GPR158: variants seen among roughly 807,000 people sequenced by gnomAD.
GPR158 encodes the protein G protein-coupled receptor 158.
GPR158 carries 30 observed loss-of-function variants against 78.2 expected under a neutral mutation model. The observed-to-expected ratio is 0.38, with a 90% CI of 0.29 to 0.52. The LOEUF is 0.52. GPR158 is among the 20% of genes least tolerant of loss of function. The pLI is 0.83. For missense variants in GPR158, 1,463 were observed against 1,523.5 expected (o/e 0.96, Z 0.66); for synonymous variants, 581 against 591.1 (o/e 0.98, Z 0.25).
intron 2 of GPR158, among the ~76,000 whole-genome samples, chr10:25,273,801 T>G (rs2130745784): frequency 6.6e-6 from 1 of 152,122 alleles, no homozygotes; most frequent in African/African-American, 2.4e-5. Flanking sequence ...CACCTCAGCC[T>G]CCTGAGTAGC....
intron 2 of GPR158, among the ~76,000 whole-genome samples, chr10:25,305,597 T>C (rs1316520610): frequency 6.6e-6 from 1 of 152,030 alleles, no homozygotes; most frequent in African/African-American, 2.4e-5. Flanking sequence ...CTAAGGATGA[T>C]TCGGAGGTAA....
intron 8 of GPR158, among the ~76,000 whole-genome samples, chr10:25,589,564 A>G (rs577767830): frequency 1.3e-5 from 2 of 152,366 alleles, no homozygotes; most frequent in African/African-American, 2.4e-5. Flanking sequence ...ATAGACATAT[A>G]GACAACTTGT....
chr10:25,358,581 C>T (rs1376471309), intron 2 of GPR158, among the ~76,000 whole-genome samples: 1 of 152,052 alleles, frequency 6.6e-6, no homozygotes, highest in East Asian at 1.9e-4. Flanking sequence ...CTGCAGCCAT[C>T]CATGTAAGAT....
intron 5 of GPR158, among the ~76,000 whole-genome samples, chr10:25,485,204 A>G (rs1257868573): frequency 2.0e-5 from 3 of 152,154 alleles, no homozygotes; most frequent in Non-Finnish European, 4.4e-5. Flanking sequence ...TAAAAGGCTT[A>G]AAAGTACACT....
intron 2 of GPR158, among the ~76,000 whole-genome samples, chr10:25,325,234 G>A (rs1305242412): frequency 6.6e-6 from 1 of 152,172 alleles, no homozygotes; most frequent in South Asian, 2.1e-4. Context: ...GAGGATTCGA[G>A]CATAAAAACT....
At chr10:25,181,200 T>G (rs2130628331) in intron 1 of GPR158, among the ~76,000 whole-genome samples, 1 of 152,258 alleles carries the variant, frequency 6.6e-6, no homozygotes, top group Admixed American at 6.5e-5. Flanking sequence ...TTTGCCTGGG[T>G]TACAGATTAA....
At chr10:25,267,907 T>C (rs887238093) in intron 2 of GPR158, among the ~76,000 whole-genome samples, 1 of 152,166 alleles carries the variant, frequency 6.6e-6, no homozygotes, top group Non-Finnish European at 1.5e-5. Flanking sequence ...CCCAAATAGA[T>C]GGATGGATAT....
intron 3 of GPR158, among the ~76,000 whole-genome samples, chr10:25,402,777 A>G (rs778130543): frequency 9.6e-4 from 146 of 151,778 alleles, no homozygotes; most frequent in Non-Finnish European, 1.6e-3. Context: ...TAACTTTCAG[A>G]ATATCTGTTT....
rs534186878 is a variant in GPR158 at position 25,243,288 on chromosome 10, C to T, written c.1008+22131C>T. Among the ~76,000 whole-genome samples, 4 of 152,272 alleles carry T rather than the reference C, an allele frequency of 2.6e-5. No individual in the cohort carries two copies. The South Asian group carries it at 8.3e-4, about 32-fold the overall frequency. ...TTTCAAAGCCCAATTCAAGACCTAA[C>T]ACCTCACTGGTCATCAATAGAAGCA... On this transcript the variant is annotated intron_variant, in intron 2 of 10. Transcript: ENST00000376351.
chr10:25,385,843 G>A (rs917089532), intron 2 of GPR158, among the ~76,000 whole-genome samples: 1 of 152,056 alleles, frequency 6.6e-6, no homozygotes, highest in African/African-American at 2.4e-5. Context: ...TTCTTTATGT[G>A]CTCTGGATAT....
At chr10:25,568,356 G>T (rs533613293) in intron 6 of GPR158, among the ~76,000 whole-genome samples, 1 of 152,296 alleles carries the variant, frequency 6.6e-6, no homozygotes, top group South Asian at 2.1e-4. Context: ...GCCATTCAAG[G>T]GACAGACTGA....
At chr10:25,435,013 G>GCTA (rs1834980532) in intron 4 of GPR158, among the ~76,000 whole-genome samples, 1 of 152,174 alleles carries the variant, frequency 6.6e-6, no homozygotes, top group Admixed American at 6.5e-5. Flanking sequence ...GGAAAACCTG[G>GCTA]CTAAGCATTT....
intron 5 of GPR158, among the ~76,000 whole-genome samples, chr10:25,487,169 CTCA>C (rs1281551413): frequency 6.6e-6 from 1 of 152,038 alleles, no homozygotes; most frequent in African/African-American, 2.4e-5. Context: ...ATTCAACATG[CTCA>C]TCAGGTGATC....
chr10:25,418,724 T>G (rs1834700870), intron 4 of GPR158, among the ~76,000 whole-genome samples: 1 of 149,046 alleles, frequency 6.7e-6, no homozygotes, highest in Admixed American at 6.7e-5. Flanking sequence ...AGAAACAAGG[T>G]ACACTGGAAG....
chr10:25,293,628 C>G (rs975073792), intron 2 of GPR158, among the ~76,000 whole-genome samples: 1 of 152,130 alleles, frequency 6.6e-6, no homozygotes, highest in African/African-American at 2.4e-5. Context: ...AGAGGAAATA[C>G]CAGATAATCA....
chr10:25,487,218 A>C (rs1470732263), intron 5 of GPR158, among the ~76,000 whole-genome samples: 1 of 152,084 alleles, frequency 6.6e-6, no homozygotes, highest in African/African-American at 2.4e-5. Flanking sequence ...TCTCTGAGAC[A>C]TTCTAATATC....
chr10:25,182,105 A>T (rs1852617867), intron 1 of GPR158, among the ~76,000 whole-genome samples: 1 of 152,232 alleles, frequency 6.6e-6, no homozygotes, highest in Non-Finnish European at 1.5e-5. Context: ...ACATGTTCAT[A>T]TGTTCCATGT....
chr10:25,501,172 G>A (rs1193672932), intron 5 of GPR158, among the ~76,000 whole-genome samples: 8 of 152,132 alleles, frequency 5.3e-5, no homozygotes, highest in African/African-American at 1.9e-4. Flanking sequence ...AAAAGTCAAA[G>A]GCGGCTTTGA....
chr10:25,527,710 A>G (rs184176862), intron 5 of GPR158, among the ~76,000 whole-genome samples: 91 of 152,256 alleles, frequency 6.0e-4, no homozygotes, highest in Admixed American at 1.6e-3. Context: ...GAAAAAATAA[A>G]GTAAGAATCT....
Sources: gnomAD v4.1 joint callset for allele counts (sites outside exome capture counted in the v4.1 genomes callset) on GRCh38, gnomAD v4.1.1 for gene constraint, MANE v1.5 for transcripts, NCBI Gene and HGNC (gene_info 2026-07-23, HGNC 2026-07-21) for gene names.